AKAP11: variants seen among roughly 807,000 people sequenced by gnomAD.
AKAP11 encodes the protein A-kinase anchoring protein 11, also known as A-kinase anchor protein 11.
Under a neutral mutation model 146.1 loss-of-function variants are expected in AKAP11, and 36 were observed. The observed-to-expected ratio is 0.25, with a 90% CI of 0.19 to 0.33. The LOEUF (loss-of-function observed/expected upper bound fraction) is 0.33. Ranked by LOEUF, AKAP11 falls within the 10% of genes least tolerant of loss-of-function variation. AKAP11 has a pLI of 1.00. For missense variants in AKAP11, 2,201 were observed against 2,197.0 expected (o/e 1.00, Z -0.04); for synonymous variants, 780 against 786.5 (o/e 0.99, Z 0.14).
At position 42,320,269 on chromosome 13, in the gene AKAP11, TTTTGTTTG is replaced by T. The variant is rs141184519; in HGVS notation, c.*1057_*1064del. On this transcript the variant is annotated 3_prime_UTR_variant, in exon 13 of 13. Transcript: ENST00000025301. The stretch of plus-strand genomic sequence containing the variant: ...ACCTCTACCAAGAATGTGGTGTTTT[TTTTGTTTG>T]TTTGTTTGTTTGTTTTAGAAAAATT... 0.18 allele frequency: 26,253 copies of T among 149,418 alleles called. 3,032 individuals carry two copies. The highest frequency in any genetic ancestry group is 0.34 in the East Asian group (1,709 of 4,962). 9.3% of individuals were successfully genotyped at this position (149,418 alleles called of 1,614,324 possible).
Position 42,299,918 on chromosome 13 carries a change from A to G in AKAP11, c.1172A>G (p.His391Arg), listed in dbSNP as rs759745225. Reference sequence around the variant, plus strand: ...TCATCGCAGAGGAAAGGGCACAAACATGGAAAGTCATGTATGAATCCTCAA... The same window carrying G: ...TCATCGCAGAGGAAAGGGCACAAACGTGGAAAGTCATGTATGAATCCTCAA... ...GKSSQRKGHK[H>R]GKSCMNPQKF... Residue 391 changes from histidine to arginine, a missense_variant, in exon 8 of 13, where the codon CAT (histidine) becomes CGT (arginine). Physicochemically the swap from His to Arg is conservative, Grantham distance 29. Coordinates refer to ENST00000025301, the MANE Select transcript of AKAP11 (RefSeq NM_016248.4). 29 of 1,613,878 alleles carry G rather than the reference A, an allele frequency of 1.8e-5. No homozygotes were observed. The highest frequency in any genetic ancestry group is 4.0e-5 in the African/African-American group (3 of 74,924).
At position 42,308,525 on chromosome 13, in the gene AKAP11, A is replaced by G. The variant is rs1401402907; in HGVS notation, c.5189A>G (p.Asp1730Gly). The G allele has an allele frequency of 2.5e-6, 4 of 1,613,520 alleles. No homozygotes were observed. The highest frequency in any genetic ancestry group is 3.4e-6 in the Non-Finnish European group (4 of 1,179,554). Residue 1730 changes from aspartate (D) to glycine (G), a missense_variant, in exon 9 of 13, where the codon GAT (aspartate) becomes GGT (glycine). Coordinates refer to ENST00000025301, the MANE Select transcript of AKAP11 (RefSeq NM_016248.4). Reference sequence around the variant, plus strand: ...CAGCAGATGAACCTCAGTATTGGTGATGACAGCACTGGTAGCTGGTCCAAT... The same window carrying G: ...CAGCAGATGAACCTCAGTATTGGTGGTGACAGCACTGGTAGCTGGTCCAAT... The part of the protein sequence containing the change: ...SSQQMNLSIG[D>G]DSTGSWSNLS...
chr13:42,300,919 A>G lies in AKAP11; in HGVS notation c.2173A>G (p.Ile725Val), dbSNP rs772465835. ...AGCAGTTAGTGTCTCTACGGATAAT[A>G]TCAAGTATGTGAGTGCAGAAAGTGT... ...KAAVSVSTDN[I>V]KYVSAESVVP... Residue 725 changes from isoleucine (I) to valine (V), a missense_variant, in exon 8 of 13, where the codon ATC becomes GTC. This residue lies in a region of AKAP11 where 1,867 missense variants were observed against 1,833.5 expected (regional missense o/e 1.02). Transcript: ENST00000025301. 3.7e-6 allele frequency: 6 copies of G among 1,614,042 alleles called. No homozygotes were observed. The South Asian group carries it at 4.4e-5, about 12-fold the overall frequency.
At chr13:42,283,020 CTAAT>C (rs939036674) in intron 1 of AKAP11, among the ~76,000 whole-genome samples, 7 of 152,144 alleles carry the variant, frequency 4.6e-5, no homozygotes, top group Admixed American at 3.9e-4. Flanking sequence ...GATGTGCTCT[CTAAT>C]TATATAAGAT....
chr13:42,288,669 G>C (rs768924749), intron 3 of AKAP11, among the ~76,000 whole-genome samples: 20 of 152,180 alleles, frequency 1.3e-4, no homozygotes, highest in South Asian at 2.1e-4. Flanking sequence ...CTTAGTCTCT[G>C]TTGCCTTTGG....
intron 3 of AKAP11, among the ~76,000 whole-genome samples, chr13:42,290,404 T>G (rs1231727059): frequency 6.6e-6 from 1 of 152,196 alleles, no homozygotes; most frequent in African/African-American, 2.4e-5. Context: ...CCAATATAAA[T>G]GCACATAATC....
intron 5 of AKAP11, among the ~76,000 whole-genome samples, chr13:42,296,639 G>C (rs1256038745): frequency 6.6e-6 from 1 of 151,854 alleles, no homozygotes; most frequent in Non-Finnish European, 1.5e-5. Context: ...GGATTATATT[G>C]TACAGAGTTT....
In AKAP11 at chr13:42,303,271, A is replaced by G; in HGVS notation, c.4525A>G (p.Lys1509Glu). The stretch of plus-strand genomic sequence containing the variant: ...GTGTCACGTTACACCAGAATTGCCT[A>G]AGTCTCTTCAGCCTTCCTCACAAAA... ...NECHVTPELP[K>E]SLQPSSQNHR... The change falls in exon 8 of 13, where the codon AAG becomes GAG. Residue 1509 changes from lysine to glutamate, a missense_variant. This residue lies in a region of AKAP11 where 1,867 missense variants were observed against 1,833.5 expected (regional missense o/e 1.02). Coordinates refer to ENST00000025301, the MANE Select transcript of AKAP11 (RefSeq NM_016248.4). 6.2e-7 allele frequency: 1 copy of G among 1,613,488 alleles called. No homozygotes were observed. Among genetic ancestry groups the G allele is most frequent in the Non-Finnish European group, 8.5e-7 (1 of 1,180,014 alleles).
intron 3 of AKAP11, among the ~76,000 whole-genome samples, chr13:42,291,500 G>A (rs1306136663): frequency 1.3e-5 from 2 of 152,158 alleles, no homozygotes; most frequent in Non-Finnish European, 2.9e-5. Context: ...TGATCCACCC[G>A]CCTCCCAAAG....
At chr13:42,310,758 C>G (rs1475423848) in intron 9 of AKAP11, among the ~76,000 whole-genome samples, 1 of 151,286 alleles carries the variant, frequency 6.6e-6, no homozygotes, top group Non-Finnish European at 1.5e-5. Flanking sequence ...ACTTGGGAGG[C>G]TAAGGCAGGA....
At chr13:42,295,790 C>A (rs1959479431) in intron 5 of AKAP11, 48 bp downstream of exon 5, 2 of 1,569,148 alleles carry the variant, frequency 1.3e-6, no homozygotes, top group Admixed American at 1.8e-5. Context: ...TCATGGAAAT[C>A]AGCTTTAGGT....
At chr13:42,289,122 C>G (rs1959187162) in intron 3 of AKAP11, among the ~76,000 whole-genome samples, 1 of 152,150 alleles carries the variant, frequency 6.6e-6, no homozygotes, top group African/African-American at 2.4e-5. Flanking sequence ...AACCATTGAG[C>G]TAATGTTTTT....
intron 3 of AKAP11, among the ~76,000 whole-genome samples, chr13:42,286,948 G>T (rs1050993979): frequency 6.6e-6 from 1 of 152,236 alleles, no homozygotes; most frequent in Admixed American, 6.5e-5. Flanking sequence ...GAAGAATGGA[G>T]CCTGGAAGAT....
rs751212102 is a variant in AKAP11 at position 42,300,594 on chromosome 13, T to C, written c.1848T>C (p.Ala616=). The change falls in exon 8 of 13, where the codon GCT becomes GCC. Residue 616 remains alanine (A), a synonymous_variant. Coordinates refer to ENST00000025301, the MANE Select transcript of AKAP11 (RefSeq NM_016248.4). The part of the protein sequence containing the change: ...SLKERAISGL[A]NFLVSEALSN... ...AAGAACGTGCCATTAGTGGCCTGGC[T>C]AACTTTTTGGTGAGTGAAGCTTTAT... 2.2e-5 allele frequency: 36 copies of C among 1,614,090 alleles called. No homozygotes were observed. Among genetic ancestry groups the C allele is most frequent in the Non-Finnish European group, 3.0e-5 (35 of 1,179,932 alleles).
intron 5 of AKAP11, among the ~76,000 whole-genome samples, 161 bp from the exon 6 acceptor site, chr13:42,296,887 G>A (rs1233025137): frequency 2.6e-5 from 4 of 151,706 alleles, no homozygotes; most frequent in Admixed American, 2.6e-4. Flanking sequence ...TTGAATTTTT[G>A]AAAAATTATC....
chr13:42,297,016 C>A (rs1237417842), intron 5 of AKAP11, 32 bp from the exon 6 acceptor site: 1 of 1,566,906 alleles, frequency 6.4e-7, no homozygotes, highest in Non-Finnish European at 8.6e-7. Flanking sequence ...TGTTACTCTA[C>A]AGTGTTACTT....
intron 11 of AKAP11, among the ~76,000 whole-genome samples, chr13:42,316,167 G>A (rs1960812215): frequency 6.6e-6 from 1 of 152,200 alleles, no homozygotes. Context: ...AGAGAGTAAT[G>A]TGGACCAAAT....
Position 42,319,414 on chromosome 13 carries a change from T to C in AKAP11, c.*186T>C, listed in dbSNP as rs1036003858. 1.4e-6 allele frequency: 1 copy of C among 691,506 alleles called. No homozygotes were observed. Among genetic ancestry groups the C allele is most frequent in the Admixed American group, 3.2e-5 (1 of 31,020 alleles). The allele number at this position is 691,506 out of a possible 1,614,324, so 42.8% of individuals were successfully genotyped here. A position where few individuals can be genotyped will look rare whatever the true frequency, so the allele number is the denominator to read the frequency against. ...ATATAGTTCATACTTTTGTAATCTG[T>C]CAAAATACTACCTTCATTTATTCTT... On this transcript the variant is annotated 3_prime_UTR_variant, in exon 13 of 13. Transcript: ENST00000025301.
At position 42,303,793 on chromosome 13, in the gene AKAP11, A is replaced by G. The variant is rs763950048; in HGVS notation, c.5047A>G (p.Ser1683Gly). 2.5e-6 allele frequency: 4 copies of G among 1,611,720 alleles called. No homozygotes were observed. In the East Asian group the frequency reaches 8.9e-5, roughly 36 times the overall value. ...ADSGIGQEGA[S>G]FAESLATETM... ...CAGTGGGATCGGACAGGAGGGTGCC[A>G]GCTTTGCTGAAAGCCTTGCCACAGA... Residue 1683 changes from serine to glycine, a missense_variant, in exon 8 of 13, where the codon AGC becomes GGC. This residue lies in a region of AKAP11 where 1,867 missense variants were observed against 1,833.5 expected (regional missense o/e 1.02). Coordinates refer to ENST00000025301, the MANE Select transcript of AKAP11 (RefSeq NM_016248.4).
Sources: gnomAD v4.1 joint callset for allele counts (sites outside exome capture counted in the v4.1 genomes callset) on GRCh38, gnomAD v4.1.1 for gene constraint, gnomAD v4.1.1 regional missense constraint, MANE v1.5 for transcripts, NCBI Gene and HGNC (gene_info 2026-07-23, HGNC 2026-07-21) for gene names.